ERG: variants seen among roughly 807,000 people sequenced by gnomAD.
ERG encodes the protein transcriptional regulator ERG.
In ERG, 9 loss-of-function variants were observed where a neutral mutation model predicts 55.3. That is an observed-to-expected ratio of 0.16 (90% CI 0.10 to 0.28). The LOEUF (loss-of-function observed/expected upper bound fraction) is 0.28, where lower values mean the gene tolerates loss of function less well. ERG is among the 10% of genes least tolerant of loss of function. The pLI is 1.00. For missense variants in ERG, 434 were observed against 631.6 expected (o/e 0.69, Z 3.35); for synonymous variants, 223 against 237.3 (o/e 0.94, Z 0.55).
chr21:38,649,426 G>A (rs893449047), intron 1 of ERG, among the ~76,000 whole-genome samples: 14 of 152,194 alleles, frequency 9.2e-5, no homozygotes, highest in Admixed American at 8.5e-4. Context: ...TCTGGTTACC[G>A]GGGATGACAC....
At chr21:38,576,290 C>G (rs1044784671) in intron 1 of ERG, among the ~76,000 whole-genome samples, 1 of 152,198 alleles carries the variant, frequency 6.6e-6, no homozygotes, top group Non-Finnish European at 1.5e-5. Context: ...CCAACCACGA[C>G]TCTGAGAGCT....
chr21:38,536,247 C>A (rs1200053435), intron 2 of ERG, among the ~76,000 whole-genome samples: 1 of 152,028 alleles, frequency 6.6e-6, no homozygotes, highest in Non-Finnish European at 1.5e-5. Context: ...GGAAGCCCAC[C>A]AGAGTCATCA....
At chr21:38,428,622 C>T (rs146100258) in intron 2 of ERG, among the ~76,000 whole-genome samples, 2 of 152,236 alleles carry the variant, frequency 1.3e-5, no homozygotes, top group East Asian at 3.9e-4. Context: ...TCAGGGAGTC[C>T]CTGATGCCTT....
chr21:38,375,121 T>C (rs1987207706), downstream of ERG, among the ~76,000 whole-genome samples: 1 of 152,192 alleles, frequency 6.6e-6, no homozygotes, highest in South Asian at 2.1e-4. Context: ...ACAGCATCTA[T>C]AGCTTTCATT....
intron 2 of ERG, among the ~76,000 whole-genome samples, chr21:38,560,690 CT>C (rs2059887655): frequency 6.6e-6 from 1 of 152,182 alleles, no homozygotes; most frequent in African/African-American, 2.4e-5. Context: ...CAAAAAGTGA[CT>C]TTCCAAGCCC....
chr21:38,660,983 C>A (rs1046294748), intron 1 of ERG, among the ~76,000 whole-genome samples: 1 of 151,870 alleles, frequency 6.6e-6, no homozygotes, highest in Admixed American at 6.6e-5. Flanking sequence ...ACGCGGCTGG[C>A]GGCTCCGGGA....
chr21:38,462,177 TTCA>T lies in ERG; in HGVS notation c.19-16559_19-16557del, dbSNP rs1189862091. Reference sequence around the variant, plus strand: ...TTTGTATTTTTAGTAGAAACAGGGTTTCATGATATTGGCTAGGCTGGTCTTGAA... The same window carrying T: ...TTTGTATTTTTAGTAGAAACAGGGTTTGATATTGGCTAGGCTGGTCTTGAA... On this transcript the variant is annotated intron_variant, in intron 1 of 9. Coordinates refer to ENST00000288319, the MANE Select transcript of ERG (RefSeq NM_182918.4). 5.3e-5 allele frequency among the ~76,000 whole-genome samples: 8 copies of T among 152,108 alleles called. No homozygotes were observed. The South Asian group carries it at 1.7e-3, about 32-fold the overall frequency.
At chr21:38,656,687 G>A (rs142962778) in intron 1 of ERG, among the ~76,000 whole-genome samples, 10 of 152,288 alleles carry the variant, frequency 6.6e-5, no homozygotes, top group Admixed American at 1.3e-4. Flanking sequence ...GAAATAGGAC[G>A]ATAGTACTTC....
intron 2 of ERG, among the ~76,000 whole-genome samples, chr21:38,424,181 GCTCGAGCTCTCTCTCTCTCTCTCT>G (rs1277871239): frequency 1.2e-4 from 11 of 88,004 alleles, no homozygotes; most frequent in African/African-American, 4.8e-4. Context: ...AGAGACCAGA[GCTCGAGCTCTCTCTCTCTCTCTCT>G]CTCTCTCTCT....
intron 1 of ERG, among the ~76,000 whole-genome samples, chr21:38,591,031 A>C (rs2060097528): frequency 6.6e-6 from 1 of 152,226 alleles, no homozygotes; most frequent in Non-Finnish European, 1.5e-5. Context: ...AGAGGATTGA[A>C]GGCAGTGTCT....
intron 2 of ERG, among the ~76,000 whole-genome samples, chr21:38,530,205 G>A (rs1217714385): frequency 4.0e-5 from 6 of 151,896 alleles, no homozygotes; most frequent in South Asian, 4.2e-4. Context: ...GACTATAGGC[G>A]CACACCACCA....
chr21:38,597,214 G>A (rs2060136413), intron 1 of ERG, among the ~76,000 whole-genome samples: 1 of 151,950 alleles, frequency 6.6e-6, no homozygotes, highest in Admixed American at 6.5e-5. Flanking sequence ...TCTGAATCTA[G>A]ATGCATACAT....
At chr21:38,440,704 G>C (rs1195898702) in intron 2 of ERG, among the ~76,000 whole-genome samples, 3 of 147,306 alleles carry the variant, frequency 2.0e-5, no homozygotes, top group Non-Finnish European at 3.0e-5. Flanking sequence ...CAGGAGAATC[G>C]CTTGAACTCG....
intron 2 of ERG, among the ~76,000 whole-genome samples, chr21:38,542,139 C>G (rs2059757405): frequency 6.6e-6 from 1 of 152,056 alleles, no homozygotes; most frequent in Non-Finnish European, 1.5e-5. Flanking sequence ...GCCGTGCCAC[C>G]ATGCCCAGCT....
At chr21:38,427,847 A>G (rs568522066) in intron 2 of ERG, among the ~76,000 whole-genome samples, 157 of 152,264 alleles carry the variant, frequency 1.0e-3, no homozygotes, top group African/African-American at 3.6e-3. Context: ...AAGAAAGAGG[A>G]GTGATTCCTG....
At chr21:38,594,948 G>A (rs2060122372) in intron 1 of ERG, among the ~76,000 whole-genome samples, 1 of 152,158 alleles carries the variant, frequency 6.6e-6, no homozygotes, top group Non-Finnish European at 1.5e-5. Flanking sequence ...AAAAAGAGTT[G>A]AGGGGTTTTG....
At chr21:38,554,334 A>AT (rs2059844457) in intron 2 of ERG, among the ~76,000 whole-genome samples, 1 of 152,216 alleles carries the variant, frequency 6.6e-6, no homozygotes, top group African/African-American at 2.4e-5. Context: ...CACTGGGTAT[A>AT]TAAAGGAATA....
intron 2 of ERG, among the ~76,000 whole-genome samples, chr21:38,544,146 G>A (rs1198756839): frequency 1.3e-5 from 2 of 152,176 alleles, no homozygotes; most frequent in Non-Finnish European, 2.9e-5. Flanking sequence ...AGAACATTCC[G>A]GATTGCGGGA....
At chr21:38,508,442 G>T (rs1025784793) in intron 2 of ERG, among the ~76,000 whole-genome samples, 1 of 152,160 alleles carries the variant, frequency 6.6e-6, no homozygotes, top group Non-Finnish European at 1.5e-5. Context: ...TGAATGAGTG[G>T]ATGAGTGGAT....
Sources: allele counts gnomAD v4.1 joint callset (sites outside exome capture counted in the v4.1 genomes callset), GRCh38; gene constraint gnomAD v4.1.1; transcripts MANE v1.5; gene names NCBI Gene and HGNC (gene_info 2026-07-23, HGNC 2026-07-21).